The following MRPS31 variants were observed in gnomAD, a reference collection of about 807,000 sequenced individuals.
MRPS31 encodes small ribosomal subunit protein mS31.
A neutral mutation model predicts 43.1 loss-of-function variants in MRPS31; 32 were observed. The ratio of observed to expected loss-of-function variants is 0.74; its 90% confidence interval spans 0.56 to 1.00. MRPS31 has a LOEUF of 1.00. MRPS31 is among the 50% of genes least tolerant of loss of function. MRPS31 has a pLI of 0.00. For missense variants in MRPS31, 437 were observed against 466.7 expected (o/e 0.94, Z 0.59); for synonymous variants, 165 against 161.6 (o/e 1.02, Z -0.16).
chr13:40,765,232 C>G (rs1880812833), intron 2 of MRPS31, among the ~76,000 whole-genome samples: 1 of 152,172 alleles, frequency 6.6e-6, no homozygotes, highest in Non-Finnish European at 1.5e-5. Flanking sequence ...CACCCATCCT[C>G]CAGTATTTTC....
Position 40,735,073 on chromosome 13 carries a change from C to T in MRPS31, c.959-5472G>A, listed in dbSNP as rs568160806. On this transcript the variant is annotated intron_variant, in intron 6 of 6. Transcript: ENST00000323563. Reference sequence around the variant, plus strand: ...GACAGTGGGCGCAGGTCAGTGGGTGCGCGCACCTTGCGCGAGCCGAAAGAG... The same window carrying T: ...GACAGTGGGCGCAGGTCAGTGGGTGTGCGCACCTTGCGCGAGCCGAAAGAG... Among the ~76,000 whole-genome samples the T allele has an allele frequency of 2.2e-3, 331 of 152,264 alleles. 1 individual carries two copies. Among genetic ancestry groups the T allele is most frequent in the African/African-American group, 7.6e-3 (314 of 41,548 alleles).
intron 2 of MRPS31, among the ~76,000 whole-genome samples, chr13:40,765,346 T>C (rs953223668): frequency 5.3e-5 from 8 of 152,220 alleles, no homozygotes; most frequent in Admixed American, 5.2e-4. Flanking sequence ...CACTCATACC[T>C]AATTGGAAAG....
chr13:40,767,085 A>C, intron 1 of MRPS31, 52 bp from the exon 2 acceptor site: 2 of 1,429,814 alleles, frequency 1.4e-6, no homozygotes, highest in Non-Finnish European at 1.9e-6. Flanking sequence ...AGTCTACAAT[A>C]AAGTAAAAAA....
intron 5 of MRPS31, chr13:40,749,638 CT>C (rs1024552282): frequency 6.4e-6 from 1 of 156,202 alleles, no homozygotes; most frequent in African/African-American, 2.4e-5. Flanking sequence ...TATTTTTAGT[CT>C]ATCGAAATTA....
intron 6 of MRPS31, among the ~76,000 whole-genome samples, chr13:40,741,993 T>C (rs866215510): frequency 2.9e-4 from 44 of 151,460 alleles, no homozygotes; most frequent in Admixed American, 1.2e-3. Context: ...AGCAGATAAA[T>C]CTGTAACTGC....
In MRPS31 at chr13:40,758,966, G is replaced by C. The variant is rs1257610719; in HGVS notation, c.581C>G (p.Ala194Gly). The change falls in exon 3 of 7, where the codon GCA becomes GGA. Residue 194 changes from alanine (A) to glycine (G), a missense_variant. Physicochemically the swap from Ala to Gly is moderately conservative, Grantham distance 60 (BLOSUM62 0). Coordinates refer to ENST00000323563, the MANE Select transcript of MRPS31 (RefSeq NM_005830.4). ...CACTCACCTAATTTTAGGTCGCTTT[G>C]CATCTCTCTGTGCCCTTGACTCTTC... ...HEEESRAQRD[A>G]KRPKISFSNI... 6.3e-7 allele frequency: 1 copy of C among 1,588,756 alleles called. No homozygotes were observed. Among genetic ancestry groups the C allele is most frequent in the Non-Finnish European group, 8.5e-7 (1 of 1,170,946 alleles).
intron 2 of MRPS31, among the ~76,000 whole-genome samples, chr13:40,762,951 T>C (rs1460529063): frequency 3.9e-5 from 6 of 152,138 alleles, no homozygotes; most frequent in African/African-American, 1.4e-4. Flanking sequence ...GTGTGAAATA[T>C]AATGGCAAGG....
intron 6 of MRPS31, among the ~76,000 whole-genome samples, chr13:40,743,271 C>T (rs527493272): frequency 5.3e-5 from 8 of 151,442 alleles, no homozygotes; most frequent in Admixed American, 2.6e-4. Flanking sequence ...GCTGAGATCA[C>T]GCCAATGCAC....
At chr13:40,753,910 G>C in intron 5 of MRPS31, 109 bp downstream of exon 5, 1 of 718,932 alleles carries the variant, frequency 1.4e-6, no homozygotes, top group South Asian at 1.8e-5. Flanking sequence ...CAGGATCCAG[G>C]CCAATGACAG....
At chr13:40,759,669 A>G (rs1218779954) in intron 2 of MRPS31, among the ~76,000 whole-genome samples, 1 of 152,218 alleles carries the variant, frequency 6.6e-6, no homozygotes, top group Non-Finnish European at 1.5e-5. Flanking sequence ...CTGAAGCACA[A>G]CACTAACTCA....
At chr13:40,767,843 C>A (rs1302842517) in intron 1 of MRPS31, among the ~76,000 whole-genome samples, 3 of 152,208 alleles carry the variant, frequency 2.0e-5, no homozygotes, top group Non-Finnish European at 4.4e-5. Flanking sequence ...AAATAAATTT[C>A]TATCAATAAA....
chr13:40,736,541 G>A (rs571173333), intron 6 of MRPS31, among the ~76,000 whole-genome samples: 2 of 145,910 alleles, frequency 1.4e-5, no homozygotes, highest in Admixed American at 6.8e-5. Context: ...GAAAGGTAGG[G>A]TTACCCTCAA....
At chr13:40,750,374 G>C (rs1880351290) in intron 5 of MRPS31, among the ~76,000 whole-genome samples, 1 of 152,076 alleles carries the variant, frequency 6.6e-6, no homozygotes, top group Non-Finnish European at 1.5e-5. Flanking sequence ...TACTGTGTGT[G>C]GGGTGTGTGT....
chr13:40,736,250 G>T (rs1262601960), intron 6 of MRPS31, among the ~76,000 whole-genome samples: 2 of 152,140 alleles, frequency 1.3e-5, no homozygotes, highest in Non-Finnish European at 2.9e-5. Context: ...AAAAAGAAAC[G>T]AGCAAAGCCT....
At chr13:40,741,480 C>G (rs1880089131) in intron 6 of MRPS31, among the ~76,000 whole-genome samples, 1 of 152,046 alleles carries the variant, frequency 6.6e-6, no homozygotes, top group African/African-American at 2.4e-5. Context: ...AGCCAATAAA[C>G]ATATGAAAAG....
At chr13:40,762,828 GTGTGTGTGTGTGTT>G (rs1305938181) in intron 2 of MRPS31, among the ~76,000 whole-genome samples, 1 of 96,976 alleles carries the variant, frequency 1.0e-5, no homozygotes, top group Non-Finnish European at 2.1e-5. Flanking sequence ...GTGTGTGTGT[GTGTGTGTGTGTGTT>G]GTACATATAT....
At chr13:40,739,330 G>A (rs1880013480) in intron 6 of MRPS31, among the ~76,000 whole-genome samples, 2 of 152,152 alleles carry the variant, frequency 1.3e-5, no homozygotes, top group African/African-American at 4.8e-5. Context: ...TTATAGATAG[G>A]AAGAATCAAT....
chr13:40,740,821 G>T (rs2137998771), intron 6 of MRPS31, among the ~76,000 whole-genome samples: 1 of 147,660 alleles, frequency 6.8e-6, no homozygotes, highest in South Asian at 2.2e-4. Flanking sequence ...AGCACTGGGA[G>T]ATATACCTAA....
At chr13:40,745,597 T>G (rs1251537784) in intron 6 of MRPS31, among the ~76,000 whole-genome samples, 2 of 152,220 alleles carry the variant, frequency 1.3e-5, no homozygotes, top group African/African-American at 4.8e-5. Context: ...TTATCACAGA[T>G]AGATGTTTTG....
Sources: gnomAD v4.1 joint callset for allele counts (sites outside exome capture counted in the v4.1 genomes callset) on GRCh38, gnomAD v4.1.1 for gene constraint, MANE v1.5 for transcripts, NCBI Gene and HGNC (gene_info 2026-07-23, HGNC 2026-07-21) for gene names.